Variants in KLK5 observed in about 807,000 individuals in gnomAD.
The protein encoded by KLK5 is kallikrein related peptidase 5, also known as kallikrein-5.
KLK5 carries 18 observed loss-of-function variants against 24.0 expected under a neutral mutation model. The observed-to-expected ratio is 0.75, with a 90% CI of 0.52 to 1.11. The LOEUF (loss-of-function observed/expected upper bound fraction) is 1.11, where lower values mean the gene tolerates loss of function less well. Among genes scored for constraint, KLK5 ranks in the 50% most tolerant of loss-of-function variants. The probability of loss-of-function intolerance (pLI) is 0.00; values close to 1 mark genes in which losing one functional copy is unlikely to be tolerated. For missense variants in KLK5, 374 were observed against 379.2 expected (o/e 0.99, Z 0.11); for synonymous variants, 140 against 154.0 (o/e 0.91, Z 0.67).
At position 50,952,595 on chromosome 19, in the gene KLK5, C is replaced by T. The variant is rs1484481020; in HGVS notation, c.63G>A (p.Leu21=). Residue 21 remains leucine, a synonymous_variant, in exon 2 of 6, where the codon CTG becomes CTA. Coordinates refer to ENST00000336334, the MANE Select transcript of KLK5 (RefSeq NM_012427.5). ...VLCALITALL[L]GVTEHVLANN... ...CAGAGTTCTGGTTACCTGTGACCCC[C>T]AGAAGCAAGGCTGTGATCAGAGCAC... 1.2e-6 allele frequency: 2 copies of T among 1,607,142 alleles called. No homozygotes were observed. The highest frequency in any genetic ancestry group is 1.7e-6 in the Non-Finnish European group (2 of 1,176,844).
rs561601090 is a variant in KLK5 at position 50,950,760 on chromosome 19, C to T, written c.74-644G>A. Among the ~76,000 whole-genome samples the T allele has an allele frequency of 3.9e-5, 6 of 152,060 alleles. No homozygotes were observed. In the South Asian group the frequency reaches 1.3e-3, roughly 32 times the overall value. ...CACAAAAATTAGCCAGGCGTGGTGGCGCGCACCTGTAATCCCAGCTACTCA... is the reference window on the plus strand; with the variant it reads ...CACAAAAATTAGCCAGGCGTGGTGGTGCGCACCTGTAATCCCAGCTACTCA... On this transcript the variant is annotated intron_variant, in intron 2 of 5. Transcript: ENST00000336334.
At chr19:50,948,300 T>A (rs1249753174) in intron 5 of KLK5, among the ~76,000 whole-genome samples, 1 of 152,174 alleles carries the variant, frequency 6.6e-6, no homozygotes, top group African/African-American at 2.4e-5. Flanking sequence ...TTTTGTATTT[T>A]TTTTTAGAGA....
rs374429634 is a variant in KLK5 at position 50,948,271 on chromosome 19, G to A, written c.726+369C>T. 7.4e-4 allele frequency among the ~76,000 whole-genome samples: 112 copies of A among 152,056 alleles called. 1 individual carries two copies. The highest frequency in any genetic ancestry group is 2.3e-3 in the African/African-American group (96 of 41,476). The stretch of plus-strand genomic sequence containing the variant: ...TGAGCAGCTGAGATTACAGGCGCCC[G>A]CCACCATGCCAGGCTAATTTTTGTA... On this transcript the variant is annotated intron_variant, in intron 5 of 5. Transcript: ENST00000336334.
chr19:50,951,740 G>A (rs1041197448), intron 2 of KLK5, among the ~76,000 whole-genome samples: 8 of 152,148 alleles, frequency 5.3e-5, no homozygotes, highest in African/African-American at 1.9e-4. Flanking sequence ...AGGTACACAC[G>A]CTCCCGGGCA....
In KLK5 at chr19:50,950,010, C is replaced by T. The variant is rs199908148; in HGVS notation, c.180G>A (p.Ser60=). Residue 60 remains serine (S), a synonymous_variant, in exon 3 of 6, where the codon TCG becomes TCA. Transcript: ENST00000336334. Reference sequence around the variant, plus strand: ...TGATGATGCGGCTGCTGCTGTCATCCGACCGGGCGTCTTCCCCGGCCCCAG... The same window carrying T: ...TGATGATGCGGCTGCTGCTGTCATCTGACCGGGCGTCTTCCCCGGCCCCAG... ...LGAGAGEDAR[S]DDSSSRIING... 1.4e-5 allele frequency: 22 copies of T among 1,613,494 alleles called. No homozygotes were observed. In the Middle Eastern group the frequency reaches 6.6e-4, roughly 48 times the overall value.
At chr19:50,944,598 G>A (rs1266078153) in intron 5 of KLK5, among the ~76,000 whole-genome samples, 1 of 152,042 alleles carries the variant, frequency 6.6e-6, no homozygotes. Flanking sequence ...GCAAAAATAC[G>A]GTTCTCAGCC....
At chr19:50,951,077 G>A (rs1327530978) in intron 2 of KLK5, among the ~76,000 whole-genome samples, 2 of 151,994 alleles carry the variant, frequency 1.3e-5, no homozygotes, top group Admixed American at 6.6e-5. Context: ...CCGAAAGCAG[G>A]ACCAGGAAAG....
chr19:50,952,548 C>A (rs761004525), intron 2 of KLK5, 37 bp downstream of exon 2: 1 of 1,519,626 alleles, frequency 6.6e-7, no homozygotes. Flanking sequence ...ACAGTCCTCC[C>A]AATCCCACAA....
rs747055316 is a variant in KLK5 at position 50,952,640 on chromosome 19, G to T, written c.18C>A (p.Pro6=). Reference sequence around the variant, plus strand: ...GAGCACAGAGCACCCACATCCAGGGGGGTCTTGCTGTAGCCATGGCCGCTG... The same window carrying T: ...GAGCACAGAGCACCCACATCCAGGGTGGTCTTGCTGTAGCCATGGCCGCTG... MATAR[P]PWMWVLCALI... The change falls in exon 2 of 6, where the codon CCC becomes CCA. Residue 6 remains proline (P), a synonymous_variant. Coordinates refer to ENST00000336334, the MANE Select transcript of KLK5 (RefSeq NM_012427.5). 3 of 1,601,724 alleles carry T rather than the reference G, an allele frequency of 1.9e-6. No individual in the cohort carries two copies. The highest frequency in any genetic ancestry group is 2.6e-6 in the Non-Finnish European group (3 of 1,174,176).
In KLK5 at chr19:50,949,987, A is replaced by T. The variant is rs1488073165; in HGVS notation, c.203T>A (p.Ile68Asn). ...ARSDDSSSRI[I>N]NGSDCDMHTQ... ...GTGCATATCGCAGTCGGATCCATTG[A>T]TGATGCGGCTGCTGCTGTCATCCGA... Residue 68 changes from isoleucine to asparagine, a missense_variant, in exon 3 of 6, where the codon ATC (isoleucine) becomes AAC (asparagine). By Grantham distance (149) the Ile-to-Asn change is moderately radical. Transcript: ENST00000336334. 1 of 1,613,572 alleles carries T rather than the reference A, an allele frequency of 6.2e-7. No homozygotes were observed. The highest frequency in any genetic ancestry group is 8.5e-7 in the Non-Finnish European group (1 of 1,179,978).
At chr19:50,949,797 C>CCGTCCCCACCAGCCCTCACCTCCCTGA in intron 3 of KLK5, 58 bp downstream of exon 3, 1 of 213,400 alleles carries the variant, frequency 4.7e-6, no homozygotes, top group African/African-American at 3.0e-5. Flanking sequence ...CCCCACTTCC[C>CCGTCCCCACCAGCCCTCACCTCCCTGA]CACCCCCACC....
chr19:50,948,578 C>G lies in KLK5; in HGVS notation c.726+62G>C, dbSNP rs544063897. 2,077 of 1,571,328 alleles carry G rather than the reference C, an allele frequency of 1.3e-3. 30 individuals are homozygous for G. The South Asian group carries it at 0.015, about 11-fold the overall frequency. On this transcript the variant is annotated intron_variant, in intron 5 of 5. Transcript: ENST00000336334. Reference sequence around the variant, plus strand: ...TTGCTGGATTCTCAGAATTTGGCAACGCTCCATGTTACCGAGTTGGCACTC... The same window carrying G: ...TTGCTGGATTCTCAGAATTTGGCAAGGCTCCATGTTACCGAGTTGGCACTC...
At chr19:50,945,593 G>C (rs2090624652) in intron 5 of KLK5, among the ~76,000 whole-genome samples, 1 of 150,710 alleles carries the variant, frequency 6.6e-6, no homozygotes, top group South Asian at 2.1e-4. Flanking sequence ...AGGAGTTCAA[G>C]ACCAGCCTGG....
rs1428965358 is a variant in KLK5, at chr19:50,947,518, C to T, written c.726+1122G>A. 2.0e-5 allele frequency among the ~76,000 whole-genome samples: 3 copies of T among 152,094 alleles called. No homozygotes were observed. Among genetic ancestry groups the T allele is most frequent in the Non-Finnish European group, 4.4e-5 (3 of 68,010 alleles). ...AACCATGTTTTATTTTGGGGTTAAC[C>T]TTTACCACTCTCTGAAATTGCCCTA... On this transcript the variant is annotated intron_variant, in intron 5 of 5. Coordinates refer to ENST00000336334, the MANE Select transcript of KLK5 (RefSeq NM_012427.5). The surrounding 1 kb of genome is among the most constrained non-coding windows in gnomAD (Gnocchi z 8.7).
At chr19:50,945,883 C>T (rs949168673) in intron 5 of KLK5, among the ~76,000 whole-genome samples, 3 of 152,098 alleles carry the variant, frequency 2.0e-5, no homozygotes, top group African/African-American at 7.2e-5. Context: ...AAAATAAAAA[C>T]AATTAGTATT....
intron 5 of KLK5, 97 bp from the exon 6 acceptor site, chr19:50,943,883 C>T: frequency 1.2e-6 from 1 of 845,284 alleles, no homozygotes; most frequent in East Asian, 2.7e-5. Context: ...GATGGAGAAG[C>T]AGATGGGAAC....
chr19:50,949,034 G>A lies in KLK5; in HGVS notation c.417C>T (p.Ser139=), dbSNP rs1394496567. 6.2e-7 allele frequency: 1 copy of A among 1,613,750 alleles called. No individual in the cohort carries two copies. Among genetic ancestry groups the A allele is most frequent in the Non-Finnish European group, 8.5e-7 (1 of 1,179,868 alleles). Residue 139 remains serine, a synonymous_variant, in exon 4 of 6, where the codon TCC becomes TCT. Coordinates refer to ENST00000336334, the MANE Select transcript of KLK5 (RefSeq NM_012427.5). The part of the protein sequence containing the change: ...SGQQMFQGVK[S]IPHPGYSHPG... ...GGTGGGAGTAGCCAGGGTGGGGGAT[G>A]GATTTGACCCCCTGGAACATCTGCT...
intron 2 of KLK5, among the ~76,000 whole-genome samples, chr19:50,950,545 T>C (rs901402665): frequency 6.6e-6 from 1 of 151,856 alleles, no homozygotes; most frequent in Admixed American, 6.6e-5. Context: ...GGGTTTGGAA[T>C]TGACTTAGTT....
rs142679424 is a variant in KLK5, at chr19:50,950,039, C to G, written c.151G>C (p.Gly51Arg). The G allele has an allele frequency of 1.9e-6, 3 of 1,613,644 alleles. No homozygotes were observed. The highest frequency in any genetic ancestry group is 2.5e-6 in the Non-Finnish European group (3 of 1,179,956). The change falls in exon 3 of 6, where the codon GGA (glycine) becomes CGA (arginine). Residue 51 changes from glycine to arginine, a missense_variant. Gly to Arg is a moderately radical substitution (Grantham distance 125). Transcript: ENST00000336334. ...TVPSGSNQDL[G>R]AGAGEDARSD... ...CGGGCGTCTTCCCCGGCCCCAGCTC[C>G]CAGGTCCTGGTTGCTCCCAGAGGGC...
Sources: allele counts gnomAD v4.1 joint callset (sites outside exome capture counted in the v4.1 genomes callset), GRCh38; gene constraint gnomAD v4.1.1; non-coding constraint Gnocchi (gnomAD v3.1); transcripts MANE v1.5; gene names NCBI Gene and HGNC (gene_info 2026-07-23, HGNC 2026-07-21).